AGBL4: variants seen among roughly 807,000 people sequenced by gnomAD.
AGBL4 encodes the protein cytosolic carboxypeptidase 6.
Under a neutral mutation model 66.4 loss-of-function variants are expected in AGBL4, and 58 were observed. The ratio of observed to expected loss-of-function variants is 0.87; its 90% CI spans 0.71 to 1.09. The LOEUF (loss-of-function observed/expected upper bound fraction) is 1.09, where lower values mean the gene tolerates loss of function less well. AGBL4 is among the 50% of genes least tolerant of loss of function. The probability of loss-of-function intolerance (pLI) is 0.00; values close to 1 mark genes in which losing one functional copy is unlikely to be tolerated. For missense variants in AGBL4, 579 were observed against 631.0 expected (o/e 0.92, Z 0.88); for synonymous variants, 234 against 222.9 (o/e 1.05, Z -0.44).
intron 1 of AGBL4, among the ~76,000 whole-genome samples, chr1:49,872,637 G>T (rs1646865485): frequency 6.6e-6 from 1 of 152,012 alleles, no homozygotes. Context: ...TTTTTAAAAG[G>T]TCTTAGGTTC....
At chr1:49,227,669 A>G (rs1203700728) in intron 4 of AGBL4, among the ~76,000 whole-genome samples, 2 of 152,138 alleles carry the variant, frequency 1.3e-5, no homozygotes, top group Non-Finnish European at 2.9e-5. Flanking sequence ...TACATAACAA[A>G]CCCTCTTAGG....
At chr1:49,260,494 A>G (rs1456897385) in intron 3 of AGBL4, among the ~76,000 whole-genome samples, 5 of 152,190 alleles carry the variant, frequency 3.3e-5, no homozygotes, top group East Asian at 3.9e-4. Flanking sequence ...CGATCCCACA[A>G]AAATACAAAC....
At chr1:49,229,036 C>T (rs1650111632) in intron 4 of AGBL4, among the ~76,000 whole-genome samples, 1 of 152,158 alleles carries the variant, frequency 6.6e-6, no homozygotes, top group Admixed American at 6.6e-5. Flanking sequence ...ACCATGCTGT[C>T]TCATGCCTTT....
chr1:49,408,740 G>T (rs539290860), intron 3 of AGBL4, among the ~76,000 whole-genome samples: 12 of 152,272 alleles, frequency 7.9e-5, no homozygotes, highest in African/African-American at 2.9e-4. Context: ...GAGGCTCTCG[G>T]GCCTTAGGCC....
chr1:48,945,134 T>C (rs1295909763), intron 5 of AGBL4, among the ~76,000 whole-genome samples: 1 of 152,204 alleles, frequency 6.6e-6, no homozygotes. Flanking sequence ...TGAAAAGCTC[T>C]TCAAAGCTCA....
chr1:49,658,566 T>C (rs541470729), intron 3 of AGBL4, among the ~76,000 whole-genome samples: 2 of 152,334 alleles, frequency 1.3e-5, no homozygotes, highest in Admixed American at 6.5e-5. Context: ...CACATATGTT[T>C]ATTGTGGCAC....
chr1:49,557,387 G>GA (rs1335823755), intron 3 of AGBL4, among the ~76,000 whole-genome samples: 3 of 152,096 alleles, frequency 2.0e-5, no homozygotes, highest in Non-Finnish European at 4.4e-5. Flanking sequence ...TGAAGAAATA[G>GA]AAAAAATAGT....
At chr1:49,532,176 T>C (rs1037715252) in intron 3 of AGBL4, among the ~76,000 whole-genome samples, 1 of 152,162 alleles carries the variant, frequency 6.6e-6, no homozygotes, top group African/African-American at 2.4e-5. Flanking sequence ...CAAACTAGAC[T>C]GTCATCTCTA....
intron 5 of AGBL4, among the ~76,000 whole-genome samples, chr1:48,886,628 C>T (rs1650375622): frequency 1.3e-5 from 2 of 152,132 alleles, no homozygotes; most frequent in Admixed American, 6.5e-5. Flanking sequence ...TCTCCACTCA[C>T]TGCAAGCTCT....
intron 11 of AGBL4, 57 bp from the exon 12 acceptor site, chr1:48,539,795 G>T: frequency 8.7e-7 from 1 of 1,155,790 alleles, no homozygotes. Context: ...AGAGTGAAAA[G>T]AGAACTACTA....
chr1:48,798,568 A>T (rs553362271), intron 6 of AGBL4, among the ~76,000 whole-genome samples: 3 of 152,064 alleles, frequency 2.0e-5, no homozygotes, highest in African/African-American at 7.2e-5. Flanking sequence ...TGCTTTCCTG[A>T]TCATGAACTC....
chr1:48,984,212 TA>T (rs889586777), intron 5 of AGBL4, among the ~76,000 whole-genome samples: 2 of 151,936 alleles, frequency 1.3e-5, no homozygotes, highest in Non-Finnish European at 2.9e-5. Flanking sequence ...AGATAAAGTT[TA>T]ATCTCATCAA....
intron 1 of AGBL4, among the ~76,000 whole-genome samples, chr1:49,904,941 A>G (rs1228024480): frequency 6.6e-6 from 1 of 152,198 alleles, no homozygotes; most frequent in Non-Finnish European, 1.5e-5. Flanking sequence ...GTGACAAAAA[A>G]AGAGAACAAT....
Position 50,012,021 on chromosome 1 carries a change from C to T in AGBL4, c.34+11742G>A, listed in dbSNP as rs542758556. 2.6e-4 allele frequency among the ~76,000 whole-genome samples: 39 copies of T among 151,948 alleles called. No individual in the cohort carries two copies. In the East Asian group the frequency reaches 6.2e-3, roughly 24 times the overall value. ...AAAAATACAAAAAATTAGCCGGGCG[C>T]GGTGGCGGGCGCCTGTAGTCCCAGC... On this transcript the variant is annotated intron_variant, in intron 1 of 13. Coordinates refer to ENST00000371839, the MANE Select transcript of AGBL4 (RefSeq NM_032785.4).
At chr1:49,790,294 G>C (rs1302545247) in intron 2 of AGBL4, among the ~76,000 whole-genome samples, 1 of 151,444 alleles carries the variant, frequency 6.6e-6, no homozygotes, top group Non-Finnish European at 1.5e-5. Context: ...AACCCAGGAG[G>C]TGGAGGTTGC....
chr1:49,849,122 C>A (rs1646235871), intron 2 of AGBL4, among the ~76,000 whole-genome samples: 1 of 152,072 alleles, frequency 6.6e-6, no homozygotes, highest in Non-Finnish European at 1.5e-5. Flanking sequence ...CTGAAGGAGA[C>A]CTTTACTTTC....
At position 49,556,516 on chromosome 1, in the gene AGBL4, T is replaced by TTATA. The variant is rs35314433; in HGVS notation, c.282+140793_282+140796dup. On this transcript the variant is annotated intron_variant, in intron 3 of 13. Transcript: ENST00000371839. Reference sequence around the variant, plus strand: ...AGAACTTAAAGTATAATAAAAAAAATTATATATATATATATATATAAACAA... The same window carrying TTATA: ...AGAACTTAAAGTATAATAAAAAAAATTATATATATATATATATATATATAAACAA... Among the ~76,000 whole-genome samples the TTATA allele has an allele frequency of 6.5e-4, 95 of 146,686 alleles. 1 individual carries two copies. The highest frequency in any genetic ancestry group is 1.3e-3 in the South Asian group (6 of 4,658).
chr1:49,023,012 C>A (rs1663364222), intron 5 of AGBL4, among the ~76,000 whole-genome samples: 1 of 152,148 alleles, frequency 6.6e-6, no homozygotes. Flanking sequence ...TAAATAAAAG[C>A]CCTTGGTCTT....
intron 1 of AGBL4, among the ~76,000 whole-genome samples, chr1:49,871,804 G>C (rs765200903): frequency 6.6e-6 from 1 of 152,098 alleles, no homozygotes; most frequent in Non-Finnish European, 1.5e-5. Flanking sequence ...GTATTCCACA[G>C]AACCAAATTT....
Sources: allele counts gnomAD v4.1 joint callset (sites outside exome capture counted in the v4.1 genomes callset), GRCh38; gene constraint gnomAD v4.1.1; transcripts MANE v1.5; gene names NCBI Gene and HGNC (gene_info 2026-07-23, HGNC 2026-07-21).